Variants in BBS9 observed in about 807,000 individuals in gnomAD.
BBS9 encodes the protein Bardet-Biedl syndrome 9.
A neutral mutation model predicts 117.7 loss-of-function variants in BBS9; 89 were observed. The ratio of observed to expected loss-of-function variants is 0.76; its 90% CI spans 0.64 to 0.90. The LOEUF is 0.90. BBS9 is among the 40% of genes least tolerant of loss of function. The pLI, the probability that BBS9 is intolerant of heterozygous loss-of-function variation, is 0.00. For missense variants in BBS9, 982 were observed against 1,042.2 expected (o/e 0.94, Z 0.80); for synonymous variants, 379 against 370.9 (o/e 1.02, Z -0.25).
At chr7:33,565,447 C>T (rs116450634) in intron 21 of BBS9, among the ~76,000 whole-genome samples, 1 of 152,056 alleles carries the variant, frequency 6.6e-6, no homozygotes, top group Non-Finnish European at 1.5e-5. Flanking sequence ...AAATGCATCA[C>T]TGCCAGGTAA....
chr7:33,509,603 T>G lies in BBS9; in HGVS notation c.2298+3958T>G, dbSNP rs935956385. On this transcript the variant is annotated intron_variant, in intron 20 of 22. Transcript: ENST00000242067. ...TGTGGACGACATTTTCAGAAGAGCC[T>G]CTCAGCTCAAGGTCACATGTCCCCA... 2.0e-5 allele frequency among the ~76,000 whole-genome samples: 3 copies of G among 152,282 alleles called. No homozygotes were observed. In the South Asian group the frequency reaches 6.2e-4, roughly 32 times the overall value.
intron 19 of BBS9, among the ~76,000 whole-genome samples, chr7:33,477,513 A>T (rs992373795): frequency 2.2e-4 from 34 of 152,184 alleles, no homozygotes; most frequent in African/African-American, 7.9e-4. Flanking sequence ...AGAGGTTATT[A>T]TTTTTTTTAA....
At chr7:33,390,313 A>G (rs1248427985) in intron 19 of BBS9, 2 of 985,106 alleles carry the variant, frequency 2.0e-6, no homozygotes, top group Non-Finnish European at 2.4e-6. Context: ...TCTATATAGT[A>G]AGACTTCGTC....
intron 21 of BBS9, among the ~76,000 whole-genome samples, chr7:33,621,656 A>G (rs980544334): frequency 5.9e-5 from 9 of 152,196 alleles, no homozygotes; most frequent in African/African-American, 7.2e-5. Context: ...TAGAACTACT[A>G]TATCATCCAG....
At chr7:33,380,459 C>G (rs1416472252) in intron 17 of BBS9, 1 of 153,314 alleles carries the variant, frequency 6.5e-6, no homozygotes, top group Non-Finnish European at 1.5e-5. Context: ...TGGACAAGAC[C>G]TGTTCCTTGC....
At chr7:33,374,480 T>C (rs1369573469) in intron 17 of BBS9, among the ~76,000 whole-genome samples, 6 of 152,148 alleles carry the variant, frequency 3.9e-5, no homozygotes, top group Non-Finnish European at 8.8e-5. Context: ...TAAAATTTCT[T>C]AGCAATATTA....
intron 4 of BBS9, among the ~76,000 whole-genome samples, chr7:33,156,185 A>G (rs541380073): frequency 3.9e-5 from 6 of 152,294 alleles, no homozygotes; most frequent in African/African-American, 1.2e-4. Flanking sequence ...ATTCTCTGAC[A>G]TGGTTCTGTG....
chr7:33,168,769 C>T (rs895585009), intron 4 of BBS9, among the ~76,000 whole-genome samples: 2 of 151,998 alleles, frequency 1.3e-5, no homozygotes, highest in Non-Finnish European at 2.9e-5. Context: ...TATCTTTGTG[C>T]TTTTTTAACT....
intron 4 of BBS9, among the ~76,000 whole-genome samples, chr7:33,159,579 T>TCC (rs1794550416): frequency 1.3e-5 from 2 of 152,184 alleles, no homozygotes. Flanking sequence ...TTTTAAAACT[T>TCC]CCCCCTTTTA....
intron 19 of BBS9, among the ~76,000 whole-genome samples, chr7:33,437,453 C>CGA (rs890463674): frequency 2.6e-5 from 4 of 152,154 alleles, no homozygotes; most frequent in Admixed American, 6.5e-5. Context: ...ATTTCCAATT[C>CGA]TGAGGGGAAA....
intron 18 of BBS9, among the ~76,000 whole-genome samples, chr7:33,386,686 G>C (rs1400271895): frequency 1.3e-5 from 2 of 151,810 alleles, no homozygotes; most frequent in African/African-American, 2.4e-5. Context: ...AGTAGAGACG[G>C]GGTTTCACTG....
At chr7:33,359,267 C>T (rs1277103830) in intron 16 of BBS9, among the ~76,000 whole-genome samples, 1 of 151,908 alleles carries the variant, frequency 6.6e-6, no homozygotes, top group Non-Finnish European at 1.5e-5. Context: ...CTTTGAAAAA[C>T]GTTTAAACAC....
Position 33,435,500 on chromosome 7 carries a change from T to C in BBS9, c.2115+47356T>C, listed in dbSNP as rs541629493. ...ATTTCTTATCCTTGTATGTAAAATA[T>C]GTGGAAGGTTAAGGCTAGACCAAGG... On this transcript the variant is annotated intron_variant, in intron 19 of 22. Coordinates refer to ENST00000242067, the MANE Select transcript of BBS9 (RefSeq NM_198428.3). 8.4e-5 allele frequency among the ~76,000 whole-genome samples: 10 copies of C among 119,564 alleles called. No individual in the cohort carries two copies. The East Asian group carries it at 2.3e-3, about 27-fold the overall frequency. 78.4% of individuals were successfully genotyped at this position (119,564 alleles called of 152,430 possible).
rs13311143 is a variant in BBS9, at chr7:33,549,079, T to A, written c.2521+14903T>A. ...GCATGGTACTGGTACCAAAACAGAGTTATAGATCAATGGAACAGAACAGAG... is the reference window on the plus strand; with the variant it reads ...GCATGGTACTGGTACCAAAACAGAGATATAGATCAATGGAACAGAACAGAG... On this transcript the variant is annotated intron_variant, in intron 21 of 22. Coordinates refer to ENST00000242067, the MANE Select transcript of BBS9 (RefSeq NM_198428.3). 2.5e-3 allele frequency among the ~76,000 whole-genome samples: 372 copies of A among 147,698 alleles called. 1 individual carries two copies. Among genetic ancestry groups the A allele is most frequent in the African/African-American group, 8.5e-3 (324 of 37,896 alleles).
intron 19 of BBS9, among the ~76,000 whole-genome samples, chr7:33,415,660 T>TGG (rs1268794798): frequency 7.2e-5 from 11 of 152,196 alleles, no homozygotes; most frequent in Non-Finnish European, 1.3e-4. Context: ...TTCAACCTCC[T>TGG]GCTTGTTGTA....
intron 3 of BBS9, among the ~76,000 whole-genome samples, chr7:33,154,359 C>T (rs13240884): frequency 0.16 from 24,619 of 152,112 alleles, 2,138 homozygotes; most frequent in South Asian, 0.21. Context: ...AGAACCCCCA[C>T]CTAGGTCTGC....
At chr7:33,355,226 G>A (rs1157317390) in intron 15 of BBS9, among the ~76,000 whole-genome samples, 1 of 151,842 alleles carries the variant, frequency 6.6e-6, no homozygotes, top group Non-Finnish European at 1.5e-5. Context: ...ATGAGTCTTT[G>A]GCTTCAGGTT....
At chr7:33,153,501 G>T (rs1012949451) in intron 3 of BBS9, among the ~76,000 whole-genome samples, 1 of 152,116 alleles carries the variant, frequency 6.6e-6, no homozygotes, top group Non-Finnish European at 1.5e-5. Flanking sequence ...TTAGAAGTAC[G>T]ATGAACACTT....
At chr7:33,169,318 A>C (rs1436613934) in intron 4 of BBS9, among the ~76,000 whole-genome samples, 1 of 150,782 alleles carries the variant, frequency 6.6e-6, no homozygotes, top group Non-Finnish European at 1.5e-5. Context: ...TTCTTTGGGT[A>C]TATACCCAGT....
Sources: allele counts gnomAD v4.1 joint callset (sites outside exome capture counted in the v4.1 genomes callset), GRCh38; gene constraint gnomAD v4.1.1; transcripts MANE v1.5; gene names NCBI Gene and HGNC (gene_info 2026-07-23, HGNC 2026-07-21).